Variants in SLC12A3 observed in about 807,000 individuals in gnomAD.
SLC12A3 encodes Na-Cl cotransporter.
In SLC12A3, 104 loss-of-function variants were observed where a neutral mutation model predicts 121.0. The observed-to-expected ratio is 0.86, with a 90% CI of 0.73 to 1.01. The LOEUF (loss-of-function observed/expected upper bound fraction) is 1.01. Ranked by LOEUF, SLC12A3 falls within the 50% of genes least tolerant of loss-of-function variation. SLC12A3 has a pLI of 0.00. For missense variants in SLC12A3, 1,328 were observed against 1,356.3 expected (o/e 0.98, Z 0.33); for synonymous variants, 536 against 533.4 (o/e 1.00, Z -0.07).
At position 56,888,043 on chromosome 16, in the gene SLC12A3, G is replaced by A. The variant is rs1304395248; in HGVS notation, c.2285+12G>A. ...ATTGGCATCCTCCAGTGAGTCGGGG[G>A]AGAGGAAGGGGCTTGGGGTCTGTTA... is the stretch of plus-strand genomic sequence containing the variant. On this transcript the variant is annotated intron_variant, in intron 18 of 25. Coordinates refer to ENST00000563236, the MANE Select transcript of SLC12A3 (RefSeq NM_001126108.2). The A allele has an allele frequency of 6.3e-7, 1 of 1,587,428 alleles. No homozygotes were observed. The highest frequency in any genetic ancestry group is 1.7e-5 in the Admixed American group (1 of 59,800).
In SLC12A3 at chr16:56,913,246, CT is replaced by C. The variant is rs1425396497; in HGVS notation, c.2925-13del. The C allele has an allele frequency of 3.7e-5, 59 of 1,614,132 alleles. No individual in the cohort carries two copies. In the East Asian group the frequency reaches 1.3e-3, roughly 36 times the overall value. On this transcript the variant is annotated splice_polypyrimidine_tract_variant and intron_variant, in intron 25 of 25. Transcript: ENST00000563236. ...CCCCGTGGTAATCTCTCTTCTACCACTTTTTCATGCCTTGCAGCACTTTGCC... is the reference window on the plus strand; with the variant it reads ...CCCCGTGGTAATCTCTCTTCTACCACTTTTCATGCCTTGCAGCACTTTGCC...
Position 56,884,008 on chromosome 16 carries a change from C to T in SLC12A3, c.1670-41C>T, listed in dbSNP as rs370733680. On this transcript the variant is annotated intron_variant, in intron 13 of 25. Coordinates refer to ENST00000563236, the MANE Select transcript of SLC12A3 (RefSeq NM_001126108.2). ...AGCAGCTCTGGCCTAGAAAGAGGCT[C>T]GACTGCCAGGCATGCCCACTGACTG... 71 of 1,610,650 alleles carry T rather than the reference C, an allele frequency of 4.4e-5. 1 individual carries two copies. Among genetic ancestry groups the T allele is most frequent in the South Asian group, 5.5e-5 (5 of 90,964 alleles).
intron 3 of SLC12A3, among the ~76,000 whole-genome samples, chr16:56,869,132 ATGGAACCGT>A (rs1427184763): frequency 2.0e-5 from 3 of 152,224 alleles, no homozygotes; most frequent in African/African-American, 7.2e-5. Flanking sequence ...AACCTACCTC[ATGGAACCGT>A]TGTGGCTTTT....
intron 22 of SLC12A3, among the ~76,000 whole-genome samples, chr16:56,895,003 A>G (rs2055442780): frequency 6.7e-6 from 1 of 149,344 alleles, no homozygotes; most frequent in Non-Finnish European, 1.5e-5. Flanking sequence ...AGTTAAGAAA[A>G]GACAAGAAAA....
At chr16:56,870,064 TG>T (rs775333842) in intron 4 of SLC12A3, 31 bp from the exon 5 acceptor site, 3 of 1,610,068 alleles carry the variant, frequency 1.9e-6, no homozygotes, top group Non-Finnish European at 2.5e-6. Flanking sequence ...CCGACTCATC[TG>T]GTTTCATGGT....
At chr16:56,884,743 T>A (rs1209528887) in intron 14 of SLC12A3, among the ~76,000 whole-genome samples, 1 of 152,172 alleles carries the variant, frequency 6.6e-6, no homozygotes, top group South Asian at 2.1e-4. Context: ...CAGGAGGATA[T>A]CGTGTGGAGC....
chr16:56,909,588 C>T (rs1357656862), intron 25 of SLC12A3, among the ~76,000 whole-genome samples: 2 of 152,146 alleles, frequency 1.3e-5, no homozygotes, highest in East Asian at 3.9e-4. Flanking sequence ...AAAGAGGCCC[C>T]AGCTATTGGG....
rs758595503 is a variant in SLC12A3, at chr16:56,879,136, C to A, written c.1244C>A (p.Ala415Asp). The change falls in exon 10 of 26, where the codon GCC becomes GAC. Residue 415 changes from alanine (A) to aspartate (D), a missense_variant. Coordinates refer to ENST00000563236, the MANE Select transcript of SLC12A3 (RefSeq NM_001126108.2). Reference protein sequence around the residue: ...LNDTVTPGWGACEGLACSYGW... With the variant: ...LNDTVTPGWGDCEGLACSYGW... ...GACACAGTGACCCCTGGCTGGGGTG[C>A]CTGCGAGGGGCTGGCCTGCAGCTAT... is the stretch of plus-strand genomic sequence containing the variant. The A allele has an allele frequency of 6.2e-7, 1 of 1,613,838 alleles. No homozygotes were observed. Among genetic ancestry groups the A allele is most frequent in the Admixed American group, 1.7e-5 (1 of 60,012 alleles).
chr16:56,890,206 C>T, intron 18 of SLC12A3, 68 bp from the exon 19 acceptor site: 5 of 1,224,824 alleles, frequency 4.1e-6, no homozygotes, highest in Non-Finnish European at 4.8e-6. Context: ...ATCTGGTCTC[C>T]TGGGTGCCAG....
rs2055715627 is a variant in SLC12A3, at chr16:56,913,584, A to G, written c.*179A>G. On this transcript the variant is annotated 3_prime_UTR_variant, in exon 26 of 26. Coordinates refer to ENST00000563236, the MANE Select transcript of SLC12A3 (RefSeq NM_001126108.2). ...TCTGGCTGGACTCCACTTCCATGGG[A>G]CACATTCCCTGGGTCTTGTGTTTAT... 1 of 698,722 alleles carries G rather than the reference A, an allele frequency of 1.4e-6. No individual in the cohort carries two copies. Among genetic ancestry groups the G allele is most frequent in the South Asian group, 1.6e-5 (1 of 62,574 alleles). 43.3% of individuals were successfully genotyped at this position (698,722 alleles called of 1,614,324 possible). A position where few individuals can be genotyped will look rare whatever the true frequency, so the allele number is the denominator to read the frequency against.
chr16:56,895,273 C>T (rs1223914520), intron 22 of SLC12A3, among the ~76,000 whole-genome samples: 20 of 143,112 alleles, frequency 1.4e-4, no homozygotes, highest in South Asian at 6.4e-4. Context: ...CTCATTGCAA[C>T]CTCCGCCCCC....
At chr16:56,872,997 A>G (rs550859498) in intron 8 of SLC12A3, among the ~76,000 whole-genome samples, 81 of 152,284 alleles carry the variant, frequency 5.3e-4, no homozygotes, top group African/African-American at 1.9e-3. Context: ...TCTAGGCTTG[A>G]GGGACACCAC....
rs1386884785 is a variant in SLC12A3 at position 56,887,775 on chromosome 16, TATATA to T, written c.2179-149_2179-145del. The T allele has an allele frequency of 2.6e-3, 260 of 101,102 alleles. 7 individuals carry two copies. Among genetic ancestry groups the T allele is most frequent in the Middle Eastern group, 4.6e-3 (1 of 216 alleles). 6.3% of individuals were successfully genotyped at this position (101,102 alleles called of 1,614,324 possible). On this transcript the variant is annotated intron_variant, in intron 17 of 25. Coordinates refer to ENST00000563236, the MANE Select transcript of SLC12A3 (RefSeq NM_001126108.2). ...TGCAAAACAAAAATTTTTAAGATTA[TATATA>T]TATATATATATATATATATTTTTTT...
At chr16:56,902,531 G>GGGGGGGTGCC in intron 24 of SLC12A3, 23 bp downstream of exon 24, 2 of 714,556 alleles carry the variant, frequency 2.8e-6, no homozygotes, top group Non-Finnish European at 4.8e-6. Flanking sequence ...GTGGGGGTGG[G>GGGGGGGTGCC]AAACGCGACA....
chr16:56,894,137 G>A (rs971532250), intron 21 of SLC12A3, among the ~76,000 whole-genome samples: 3 of 151,932 alleles, frequency 2.0e-5, no homozygotes, highest in Non-Finnish European at 4.4e-5. Context: ...CTGAGTAGCT[G>A]GGATTATAGG....
chr16:56,879,839 C>G (rs1440930561), intron 11 of SLC12A3, among the ~76,000 whole-genome samples, 190 bp downstream of exon 11: 4 of 152,170 alleles, frequency 2.6e-5, no homozygotes, highest in Admixed American at 6.5e-5. Context: ...TGACAAACAC[C>G]TGCAGTCCCC....
chr16:56,895,528 T>C (rs1170229327), intron 22 of SLC12A3, among the ~76,000 whole-genome samples: 1 of 149,440 alleles, frequency 6.7e-6, no homozygotes, highest in Non-Finnish European at 1.5e-5. Flanking sequence ...ATTTTATATA[T>C]ATTTAAAAAT....
chr16:56,878,020 G>GTCCCTCCCTCCCTCTCTACC (rs2055185800), intron 8 of SLC12A3, 57 bp from the exon 9 acceptor site: 1 of 586,450 alleles, frequency 1.7e-6, no homozygotes, highest in Admixed American at 3.0e-5. Flanking sequence ...AATGTCCTCC[G>GTCCCTCCCTCCCTCTCTACC]TCCCTCCCTC....
At chr16:56,891,621 A>G (rs2055389750) in intron 19 of SLC12A3, among the ~76,000 whole-genome samples, 2 of 152,324 alleles carry the variant, frequency 1.3e-5, no homozygotes, top group Non-Finnish European at 2.9e-5. Flanking sequence ...CAGGCACACC[A>G]AAAGCCAAAA....
Sources: gnomAD v4.1 joint callset for allele counts (sites outside exome capture counted in the v4.1 genomes callset) on GRCh38, gnomAD v4.1.1 for gene constraint, MANE v1.5 for transcripts, NCBI Gene and HGNC (gene_info 2026-07-23, HGNC 2026-07-21) for gene names.